The following MISP variants were observed in gnomAD, a reference collection of about 807,000 sequenced individuals.
MISP encodes mitotic spindle positioning.
Under a neutral mutation model 49.3 loss-of-function variants are expected in MISP, and 51 were observed. The ratio of observed to expected loss-of-function variants is 1.03; its 90% CI spans 0.83 to 1.31. The LOEUF is 1.31. Ranked by LOEUF, MISP falls within the 50% of genes most tolerant of loss-of-function variation. The pLI is 0.00. For missense variants in MISP, 1,084 were observed against 935.1 expected, an observed-to-expected ratio of 1.16 and a Z score of -2.08; for synonymous variants, 444 against 392.6, an observed-to-expected ratio of 1.13 and a Z score of -1.55.
chr19:757,710 T>A lies in MISP; in HGVS notation c.764T>A (p.Val255Asp). ...ATCAAGCCCCAGGTGAAGGGGGTGG[T>A]CAGGGAAGAGAACAAGGTGCGTGCT... ...VPIKPQVKGV[V>D]REENKVRAVP... The change falls in exon 2 of 5, where the codon GTC (valine) becomes GAC (aspartate). Residue 255 changes from valine to aspartate, a missense_variant. Coordinates refer to ENST00000215582, the MANE Select transcript of MISP (RefSeq NM_173481.4). 1.2e-6 allele frequency: 2 copies of A among 1,613,644 alleles called. No homozygotes were observed. Among genetic ancestry groups the A allele is most frequent in the Non-Finnish European group, 1.7e-6 (2 of 1,179,928 alleles).
upstream of MISP, among the ~76,000 whole-genome samples, chr19:748,935 G>A (rs1208689073): frequency 6.6e-6 from 1 of 152,168 alleles, no homozygotes; most frequent in Non-Finnish European, 1.5e-5. Context: ...TCAAGAGATC[G>A]ATACCATCCT....
At chr19:761,152 C>T (rs1172174920) in intron 3 of MISP, among the ~76,000 whole-genome samples, 10 of 134,702 alleles carry the variant, frequency 7.4e-5, no homozygotes, top group Admixed American at 1.6e-4. Context: ...TGCAGTGGCA[C>T]GATCTTGGCT....
chr19:756,821 G>T, intron 1 of MISP, 69 bp from the exon 2 acceptor site: 1 of 774,874 alleles, frequency 1.3e-6, no homozygotes, highest in South Asian at 1.9e-5. Flanking sequence ...TGCCCTTTGG[G>T]GGACTGGAGG....
chr19:750,619 G>T (rs533991068), upstream of MISP, among the ~76,000 whole-genome samples: 101 of 152,278 alleles, frequency 6.6e-4, no homozygotes, highest in African/African-American at 2.4e-3. Context: ...GAGAGGTCAG[G>T]TGGGATCAGA....
rs2033610473 is a variant in MISP at position 758,323 on chromosome 19, T to A, written c.1377T>A (p.Thr459=). 6.2e-7 allele frequency: 1 copy of A among 1,614,160 alleles called. No individual in the cohort carries two copies. Among genetic ancestry groups the A allele is most frequent in the Non-Finnish European group, 8.5e-7 (1 of 1,180,044 alleles). Residue 459 remains threonine, a synonymous_variant, in exon 2 of 5, where the codon ACT becomes ACA. Transcript: ENST00000215582. ...SLSTAEAKAA[T]SPKATMSPRH... Reference sequence around the variant, plus strand: ...CCACAGCGGAGGCCAAGGCTGCGACTTCACCAAAGGCCACGATGTCCCCGA... The same window carrying A: ...CCACAGCGGAGGCCAAGGCTGCGACATCACCAAAGGCCACGATGTCCCCGA...
upstream of MISP, among the ~76,000 whole-genome samples, chr19:750,793 T>C (rs1027518358): frequency 3.3e-5 from 5 of 152,156 alleles, no homozygotes; most frequent in African/African-American, 1.2e-4. Context: ...CTGTGCACGC[T>C]GAGCTGCTGT....
chr19:758,588 G>A lies in MISP; in HGVS notation c.1642G>A (p.Glu548Lys). Reference protein sequence around the residue: ...LQKSQSSDLLERERESVLRRE... With the variant: ...LQKSQSSDLLKRERESVLRRE... ...GAAGTCCCAGTCATCTGATCTGCTG[G>A]AAAGGGAGAGGGAGAGTGTCCTGCG... The change falls in exon 2 of 5, where the codon GAA becomes AAA. Residue 548 changes from glutamate (E) to lysine (K), a missense_variant. Physicochemically the swap from Glu to Lys is moderately conservative, Grantham distance 56. Transcript: ENST00000215582. 1 of 1,614,270 alleles carries A rather than the reference G, an allele frequency of 6.2e-7. No homozygotes were observed. Among genetic ancestry groups the A allele is most frequent in the Non-Finnish European group, 8.5e-7 (1 of 1,180,052 alleles).
At chr19:749,583 C>A (rs1045497284), upstream of MISP, among the ~76,000 whole-genome samples, 59 of 152,336 alleles carry the variant, frequency 3.9e-4, no homozygotes, top group Middle Eastern at 0.01. Context: ...GTAATCCCAG[C>A]ACTTTGGGAG....
upstream of MISP, among the ~76,000 whole-genome samples, chr19:748,793 A>T (rs2033416449): frequency 6.6e-6 from 1 of 152,210 alleles, no homozygotes; most frequent in Admixed American, 6.5e-5. Flanking sequence ...CTCACGCTGT[A>T]GTCTTGGAGA....
In MISP at chr19:757,416, C is replaced by T; in HGVS notation, c.470C>T (p.Thr157Ile). 1.9e-6 allele frequency: 3 copies of T among 1,601,844 alleles called. No homozygotes were observed. Among genetic ancestry groups the T allele is most frequent in the Non-Finnish European group, 2.6e-6 (3 of 1,175,012 alleles). ...GGCCAGGCAGTCAGGAAGAGCAGCA[C>T]CGTGGCCACGCTCCAGGGCACTCCT... Reference protein sequence around the residue: ...IQGQAVRKSSTVATLQGTPDH... With the variant: ...IQGQAVRKSSIVATLQGTPDH... Residue 157 changes from threonine (T) to isoleucine (I), a missense_variant, in exon 2 of 5, where the codon ACC (threonine) becomes ATC (isoleucine). By Grantham distance (89) the Thr-to-Ile change is moderately conservative. Transcript: ENST00000215582.
chr19:757,527 T>G lies in MISP; in HGVS notation c.581T>G (p.Leu194Arg). Residue 194 changes from leucine to arginine, a missense_variant, in exon 2 of 5, where the codon CTG becomes CGG. Leu to Arg is a moderately radical substitution (Grantham distance 102, BLOSUM62 -2). Transcript: ENST00000215582. ...NVVDREQIDF[L>R]AARQQFLSLE... is the part of the protein sequence containing the mutation. ...GTTGACAGGGAGCAGATTGACTTCC[T>G]GGCAGCGAGACAGCAGTTCCTGAGT... The G allele has an allele frequency of 6.2e-7, 1 of 1,610,676 alleles. No individual in the cohort carries two copies. Among genetic ancestry groups the G allele is most frequent in the Non-Finnish European group, 8.5e-7 (1 of 1,178,866 alleles).
In MISP at chr19:763,595, C is replaced by G. The variant is rs771105761; in HGVS notation, c.*5C>G. 3 of 1,608,692 alleles carry G rather than the reference C, an allele frequency of 1.9e-6. No homozygotes were observed. In the African/African-American group the frequency reaches 4.0e-5, roughly 22 times the overall value. On this transcript the variant is annotated 3_prime_UTR_variant, in exon 5 of 5. Transcript: ENST00000215582. ...GCCAGTGAGGAGGATGACTGAGCCT[C>G]GGGATGGGGCGCCCACCCCCTGCCC...
In MISP at chr19:758,462, C is replaced by T. The variant is rs936187544; in HGVS notation, c.1516C>T (p.Leu506=). 2 of 1,614,046 alleles carry T rather than the reference C, an allele frequency of 1.2e-6. No homozygotes were observed. The highest frequency in any genetic ancestry group is 1.7e-6 in the Non-Finnish European group (2 of 1,180,038). The change falls in exon 2 of 5, where the codon CTG becomes TTG. Residue 506 remains leucine (L), a synonymous_variant. Coordinates refer to ENST00000215582, the MANE Select transcript of MISP (RefSeq NM_173481.4). ...RGVVRWEYFR[L]RPLRFRAPDE... The stretch of plus-strand genomic sequence containing the variant: ...TGTCGTGCGGTGGGAGTACTTCCGC[C>T]TGCGTCCTCTGCGGTTCAGGGCCCC...
chr19:758,099 C>A lies in MISP; in HGVS notation c.1153C>A (p.Pro385Thr). 1 of 1,593,618 alleles carries A rather than the reference C, an allele frequency of 6.3e-7. No homozygotes were observed. The highest frequency in any genetic ancestry group is 8.5e-7 in the Non-Finnish European group (1 of 1,170,526). Residue 385 changes from proline to threonine, a missense_variant, in exon 2 of 5, where the codon CCC becomes ACC. Transcript: ENST00000215582. Reference protein sequence around the residue: ...ASTPDWVSEGPQPGLRRALSS... With the variant: ...ASTPDWVSEGTQPGLRRALSS... ...CACACCCGACTGGGTCTCGGAGGGT[C>A]CCCAGCCCGGACTCCGGAGAGCCCT...
intron 1 of MISP, among the ~76,000 whole-genome samples, chr19:756,604 C>T (rs1282344814): frequency 6.6e-6 from 1 of 152,128 alleles, no homozygotes; most frequent in Non-Finnish European, 1.5e-5. Flanking sequence ...AGAGATTAGA[C>T]AATGGGCTGC....
intron 1 of MISP, among the ~76,000 whole-genome samples, chr19:752,894 A>T (rs980522135): frequency 6.6e-6 from 1 of 152,190 alleles, no homozygotes; most frequent in Non-Finnish European, 1.5e-5. Context: ...GCCAGAAGGC[A>T]CGGTGGAGCC....
rs968558132 is a variant in MISP at position 759,915 on chromosome 19, C to T, written c.1787C>T (p.Thr596Met). Residue 596 changes from threonine (T) to methionine (M), a missense_variant, in exon 3 of 5, where the codon ACG becomes ATG. Thr to Met is a moderately conservative substitution (Grantham distance 81). Coordinates refer to ENST00000215582, the MANE Select transcript of MISP (RefSeq NM_173481.4). ...SRSSSQASGITGSYSVSESPF... is the reference protein window; with the variant it reads ...SRSSSQASGIMGSYSVSESPF... Reference sequence around the variant, plus strand: ...CCTCCCTGCTCCCCTACAGGCATCACGGGCAGTTACTCGGTGTCTGAGTCT... The same window carrying T: ...CCTCCCTGCTCCCCTACAGGCATCATGGGCAGTTACTCGGTGTCTGAGTCT... The T allele has an allele frequency of 9.3e-6, 15 of 1,613,914 alleles. No homozygotes were observed. The highest frequency in any genetic ancestry group is 1.7e-5 in the Admixed American group (1 of 59,986).
chr19:757,159 T>C lies in MISP; in HGVS notation c.213T>C (p.His71=), dbSNP rs1259212641. 6.2e-7 allele frequency: 1 copy of C among 1,613,358 alleles called. No individual in the cohort carries two copies. Among genetic ancestry groups the C allele is most frequent in the Admixed American group, 1.7e-5 (1 of 60,026 alleles). The change falls in exon 2 of 5, where the codon CAT becomes CAC. Residue 71 remains histidine, a synonymous_variant. Transcript: ENST00000215582. The stretch of plus-strand genomic sequence containing the variant: ...GGCAGGGGGTGTCCTACAGCGTGCA[T>C]GCCTACACTGGCCAGCCGTCCCCAC... ...VQRQGVSYSV[H]AYTGQPSPRG... is the part of the protein sequence containing the mutation.
At chr19:749,953 C>G (rs7255076), upstream of MISP, among the ~76,000 whole-genome samples, 2,151 of 152,226 alleles carry the variant, frequency 0.014, 52 homozygotes, top group African/African-American at 0.049. Context: ...TGGCGTAGGT[C>G]AGGACAGAGC....
Sources: allele counts gnomAD v4.1 joint callset (sites outside exome capture counted in the v4.1 genomes callset), GRCh38; gene constraint gnomAD v4.1.1; transcripts MANE v1.5; gene names NCBI Gene and HGNC (gene_info 2026-07-23, HGNC 2026-07-21).